The following ZCWPW2 variants were observed in gnomAD, a reference collection of about 807,000 sequenced individuals.
ZCWPW2 encodes zinc finger CW-type and PWWP domain containing 2.
ZCWPW2 carries 45 observed loss-of-function variants against 46.6 expected under a neutral mutation model. The observed-to-expected ratio is 0.96, with a 90% confidence interval of 0.76 to 1.24. The LOEUF is 1.24. Ranked by LOEUF, ZCWPW2 falls within the 50% of genes most tolerant of loss-of-function variation. ZCWPW2 has a pLI of 0.00. For missense variants in ZCWPW2, 429 were observed against 403.9 expected, an observed-to-expected ratio of 1.06 and a Z score of -0.53; for synonymous variants, 152 against 137.1, an observed-to-expected ratio of 1.11 and a Z score of -0.76.
chr3:28,396,716 A>G (rs1205753041), intron 2 of ZCWPW2, among the ~76,000 whole-genome samples: 4 of 152,242 alleles, frequency 2.6e-5, no homozygotes, highest in African/African-American at 9.6e-5. Flanking sequence ...AAGTATGACA[A>G]CTTTGGAAGA....
rs1009508885 is a variant in ZCWPW2 at position 28,377,294 on chromosome 3, T to C, written c.-133-13204T>C. On this transcript the variant is annotated intron_variant, in intron 1 of 9. Coordinates refer to ENST00000383768, the MANE Select transcript of ZCWPW2 (RefSeq NM_001040432.4). Reference sequence around the variant, plus strand: ...TTTAAAACTTGTGGTAGAGTCCTTTTCTTAATATTTGTGTCGTGATTCTTG... The same window carrying C: ...TTTAAAACTTGTGGTAGAGTCCTTTCCTTAATATTTGTGTCGTGATTCTTG... 2.0e-5 allele frequency among the ~76,000 whole-genome samples: 3 copies of C among 152,104 alleles called. No homozygotes were observed. In the East Asian group the frequency reaches 5.8e-4, roughly 29 times the overall value.
intron 2 of ZCWPW2, among the ~76,000 whole-genome samples, chr3:28,396,964 A>G (rs1439183838): frequency 6.6e-6 from 1 of 152,136 alleles, no homozygotes; most frequent in African/African-American, 2.4e-5. Flanking sequence ...CTCCGTCTCT[A>G]TTAAAAATAC....
At chr3:28,371,051 AT>A (rs1361418278) in intron 1 of ZCWPW2, among the ~76,000 whole-genome samples, 1 of 152,058 alleles carries the variant, frequency 6.6e-6, no homozygotes, top group Non-Finnish European at 1.5e-5. Flanking sequence ...TTTAACTATA[AT>A]TAGTTACAGA....
chr3:28,407,756 A>G (rs1696223021), intron 2 of ZCWPW2, among the ~76,000 whole-genome samples: 1 of 152,224 alleles, frequency 6.6e-6, no homozygotes, highest in Admixed American at 6.5e-5. Context: ...AAGTTATGAA[A>G]TAAAAAATTA....
intron 3 of ZCWPW2, among the ~76,000 whole-genome samples, chr3:28,432,444 G>A (rs1697299620): frequency 6.6e-6 from 1 of 152,080 alleles, no homozygotes. Flanking sequence ...TGGTATATTA[G>A]GTATGCATAT....
chr3:28,361,694 A>AT (rs1704951969), intron 1 of ZCWPW2, among the ~76,000 whole-genome samples: 1 of 152,120 alleles, frequency 6.6e-6, no homozygotes, highest in Non-Finnish European at 1.5e-5. Flanking sequence ...GCAAAAAAAA[A>AT]CCTGATTAAA....
In ZCWPW2 at chr3:28,413,064, C is replaced by T. The variant is rs763335936; in HGVS notation, c.-5C>T. Reference sequence around the variant, plus strand: ...TCTTTCTTATTTTCCAGATTAAATGCCTTAATGGATAAAGAAAAATTGGAT... The same window carrying T: ...TCTTTCTTATTTTCCAGATTAAATGTCTTAATGGATAAAGAAAAATTGGAT... On this transcript the variant is annotated 5_prime_UTR_variant, in exon 3 of 10. Transcript: ENST00000383768. 1.9e-6 allele frequency: 3 copies of T among 1,601,708 alleles called. No homozygotes were observed. The South Asian group carries it at 3.3e-5, about 18-fold the overall frequency.
Position 28,364,252 on chromosome 3 carries a change from T to C in ZCWPW2, c.-134+15049T>C, listed in dbSNP as rs1038791209. 3.9e-5 allele frequency among the ~76,000 whole-genome samples: 6 copies of C among 152,334 alleles called. No homozygotes were observed. In the East Asian group the frequency reaches 5.8e-4, roughly 15 times the overall value. ...TTATGTATGACCCAGCAATTCCATTTATAGGCATATATCCAACTGTTAAGT... is the reference window on the plus strand; with the variant it reads ...TTATGTATGACCCAGCAATTCCATTCATAGGCATATATCCAACTGTTAAGT... On this transcript the variant is annotated intron_variant, in intron 1 of 9. Transcript: ENST00000383768.
intron 9 of ZCWPW2, among the ~76,000 whole-genome samples, chr3:28,522,247 A>C (rs1700742295): frequency 6.6e-6 from 1 of 152,220 alleles, no homozygotes; most frequent in Admixed American, 6.5e-5. Flanking sequence ...CATGTACCCT[A>C]GAACTTAAAG....
chr3:28,510,146 A>G (rs1700388121), intron 6 of ZCWPW2, among the ~76,000 whole-genome samples: 1 of 152,098 alleles, frequency 6.6e-6, no homozygotes, highest in Admixed American at 6.6e-5. Flanking sequence ...TGGACTCCCA[A>G]TTCTATTCTA....
Position 28,462,177 on chromosome 3 carries a change from G to A in ZCWPW2, c.493-16637G>A, listed in dbSNP as rs573686491. Among the ~76,000 whole-genome samples, 6 of 152,240 alleles carry A rather than the reference G, an allele frequency of 3.9e-5. No individual in the cohort carries two copies. The East Asian group carries it at 1.2e-3, about 29-fold the overall frequency. ...CAGGGCCACTGCGAGGGAGACACAG[G>A]AATAGCAAGACAGAGAAGATAGTCT... On this transcript the variant is annotated intron_variant, in intron 4 of 9. Transcript: ENST00000383768.
chr3:28,397,914 A>G (rs1041220226), intron 2 of ZCWPW2: 1 of 152,104 alleles, frequency 6.6e-6, no homozygotes, highest in Non-Finnish European at 1.5e-5. Context: ...TTTCTGCATC[A>G]TTTCTGTTGT....
intron 1 of ZCWPW2, among the ~76,000 whole-genome samples, chr3:28,356,786 T>A (rs1319961587): frequency 1.3e-5 from 2 of 152,060 alleles, no homozygotes. Context: ...TTCTCACTCA[T>A]AGGTGGGAAT....
At chr3:28,477,371 G>A (rs1347070960) in intron 4 of ZCWPW2, among the ~76,000 whole-genome samples, 2 of 151,986 alleles carry the variant, frequency 1.3e-5, no homozygotes, top group East Asian at 3.9e-4. Context: ...CAGTGCCCAG[G>A]ACCAAATGCA....
chr3:28,521,173 A>C, intron 9 of ZCWPW2, 57 bp downstream of exon 9: 1 of 1,533,864 alleles, frequency 6.5e-7, no homozygotes, highest in Non-Finnish European at 8.7e-7. Context: ...TTTAAACAGC[A>C]GAATTGTTCC....
intron 1 of ZCWPW2, among the ~76,000 whole-genome samples, chr3:28,361,190 A>G (rs148476786): frequency 7.2e-4 from 109 of 152,320 alleles, no homozygotes; most frequent in African/African-American, 2.4e-3. Context: ...ACACAGACCA[A>G]TGGAACAGAA....
At chr3:28,514,888 G>T (rs947579671) in intron 7 of ZCWPW2, among the ~76,000 whole-genome samples, 1 of 152,100 alleles carries the variant, frequency 6.6e-6, no homozygotes, top group Non-Finnish European at 1.5e-5. Context: ...CAAAAACAAG[G>T]ACTGACACCA....
chr3:28,487,200 T>C (rs1699630167), intron 5 of ZCWPW2, among the ~76,000 whole-genome samples: 1 of 152,120 alleles, frequency 6.6e-6, no homozygotes, highest in Admixed American at 6.5e-5. Flanking sequence ...TTTTTTTTGT[T>C]CCTGCATCTC....
At chr3:28,487,441 T>C (rs889123792) in intron 5 of ZCWPW2, among the ~76,000 whole-genome samples, 1 of 152,210 alleles carries the variant, frequency 6.6e-6, no homozygotes, top group Non-Finnish European at 1.5e-5. Flanking sequence ...ACTTTTGCTC[T>C]CAACCATTTC....
Sources: gnomAD v4.1 joint callset for allele counts (sites outside exome capture counted in the v4.1 genomes callset) on GRCh38, gnomAD v4.1.1 for gene constraint, MANE v1.5 for transcripts, NCBI Gene and HGNC (gene_info 2026-07-23, HGNC 2026-07-21) for gene names.